Variants in OTUD7B observed in about 807,000 individuals in gnomAD.
OTUD7B encodes OTU deubiquitinase 7B, also known as OTU domain-containing protein 7B.
OTUD7B carries 34 observed loss-of-function variants against 82.2 expected under a neutral mutation model. The ratio of observed to expected loss-of-function variants is 0.41; its 90% CI spans 0.31 to 0.55. The LOEUF is 0.55. OTUD7B is among the 20% of genes least tolerant of loss of function. OTUD7B has a pLI of 0.20. For synonymous variants in OTUD7B, 398 were observed against 402.7 expected (o/e 0.99, Z 0.14); for missense variants, 944 against 1,062.1 (o/e 0.89, Z 1.55).
chr1:149,964,084 T>C, intron 6 of OTUD7B, 138 bp downstream of exon 6: 1 of 984,182 alleles, frequency 1.0e-6, no homozygotes, highest in African/African-American at 1.6e-5. Flanking sequence ...GTTAACTGCA[T>C]TTTCTCCAAT....
the OTUD7B span, among the ~76,000 whole-genome samples, chr1:150,025,248 C>A: frequency 6.6e-6 from 1 of 151,812 alleles, no homozygotes; most frequent in Non-Finnish European, 1.5e-5. Context: ...ATGGAGAAAC[C>A]CTGTCTCTAC....
At chr1:150,033,974 C>A in the OTUD7B span, among the ~76,000 whole-genome samples, 1 of 152,130 alleles carries the variant, frequency 6.6e-6, no homozygotes, top group Non-Finnish European at 1.5e-5. Flanking sequence ...CCCACCTCAG[C>A]CTCCCAAAGT....
chr1:150,005,319 AAC>A (rs1190317027), intron 1 of OTUD7B, among the ~76,000 whole-genome samples: 1 of 152,194 alleles, frequency 6.6e-6, no homozygotes, highest in Non-Finnish European at 1.5e-5. Context: ...CACTACAAAT[AAC>A]AGTTTAGTAA....
chr1:150,012,511 G>A (rs376744600), upstream of OTUD7B, among the ~76,000 whole-genome samples: 11 of 152,270 alleles, frequency 7.2e-5, no homozygotes, highest in East Asian at 2.1e-3. Flanking sequence ...TTTCACCACA[G>A]CTGTCCAGAA....
the OTUD7B span, among the ~76,000 whole-genome samples, chr1:150,026,540 T>G: frequency 6.6e-6 from 1 of 152,174 alleles, no homozygotes; most frequent in South Asian, 2.1e-4. Context: ...AATACCTCCG[T>G]CTGCCTTATC....
At chr1:149,958,911 A>ACT (rs1648927234) in intron 7 of OTUD7B, among the ~76,000 whole-genome samples, 2 of 147,064 alleles carry the variant, frequency 1.4e-5, no homozygotes, top group Non-Finnish European at 3.0e-5. Flanking sequence ...TGCCTGGCTA[A>ACT]TTTTTTTTTT....
At chr1:149,963,093 T>C (rs1649267352) in intron 6 of OTUD7B, 1 of 152,170 alleles carries the variant, frequency 6.6e-6, no homozygotes, top group Non-Finnish European at 1.5e-5. Context: ...ATGTTCTACT[T>C]ACATATTAAA....
At chr1:150,043,322 G>T in the OTUD7B span, among the ~76,000 whole-genome samples, 1 of 152,060 alleles carries the variant, frequency 6.6e-6, no homozygotes, top group Non-Finnish European at 1.5e-5. Flanking sequence ...GTCATATAAA[G>T]AATTTTAAAG....
chr1:150,059,179 G>A, the OTUD7B span, among the ~76,000 whole-genome samples: 2 of 146,764 alleles, frequency 1.4e-5, no homozygotes, highest in African/African-American at 5.0e-5. Context: ...TCAGCCTCCT[G>A]AGTAGCTGGG....
intron 7 of OTUD7B, among the ~76,000 whole-genome samples, chr1:149,951,935 G>A (rs186092516): frequency 1.7e-4 from 26 of 151,412 alleles, no homozygotes; most frequent in African/African-American, 6.3e-4. Context: ...CATATTACAG[G>A]CTTGTGTCAG....
chr1:150,039,320 G>C, the OTUD7B span, among the ~76,000 whole-genome samples: 24 of 152,002 alleles, frequency 1.6e-4, no homozygotes, highest in Non-Finnish European at 3.1e-4. Flanking sequence ...TTAATTGAGA[G>C]ATTACCATAA....
chr1:149,962,154 T>C (rs1332943091), intron 6 of OTUD7B: 1 of 152,220 alleles, frequency 6.6e-6, no homozygotes, highest in Non-Finnish European at 1.5e-5. Flanking sequence ...GTCACTCCAA[T>C]AGACACATCC....
At chr1:149,957,220 T>G (rs1648752805) in intron 7 of OTUD7B, among the ~76,000 whole-genome samples, 1 of 151,732 alleles carries the variant, frequency 6.6e-6, no homozygotes, top group Non-Finnish European at 1.5e-5. Flanking sequence ...GGGGTATTGG[T>G]GTGGATGTCC....
chr1:150,059,289 G>A, the OTUD7B span, among the ~76,000 whole-genome samples: 3 of 35,912 alleles, frequency 8.4e-5, no homozygotes, highest in African/African-American at 2.8e-4. Context: ...TCCTGACCTC[G>A]TGATCCACCC....
intron 4 of OTUD7B, among the ~76,000 whole-genome samples, 181 bp from the exon 5 acceptor site, chr1:149,966,059 A>G (rs763213750): frequency 2.0e-4 from 30 of 152,214 alleles, no homozygotes; most frequent in Non-Finnish European, 3.4e-4. Context: ...TGTGAGCACA[A>G]TTGGTTAGAT....
Position 149,943,584 on chromosome 1 carries a change from A to G in OTUD7B, c.*273T>C, listed in dbSNP as rs1366037508. The G allele has an allele frequency of 2.8e-5, 12 of 426,124 alleles. No homozygotes were observed. The highest frequency in any genetic ancestry group is 2.7e-4 in the South Asian group (8 of 29,246). 26.4% of individuals were successfully genotyped at this position (426,124 alleles called of 1,614,324 possible). A position where few individuals can be genotyped will look rare whatever the true frequency, so the allele number is the denominator to read the frequency against. Reference sequence around the variant, plus strand: ...GTCCCTGGATGGGACCCAGGAGGTTATAAGACAGAATCGCCATCTTTTCCC... The same window carrying G: ...GTCCCTGGATGGGACCCAGGAGGTTGTAAGACAGAATCGCCATCTTTTCCC... On this transcript the variant is annotated 3_prime_UTR_variant, in exon 12 of 12. Coordinates refer to ENST00000581312, the MANE Select transcript of OTUD7B (RefSeq NM_020205.4).
intron 7 of OTUD7B, among the ~76,000 whole-genome samples, chr1:149,950,697 T>C (rs1280214954): frequency 6.6e-6 from 1 of 152,082 alleles, no homozygotes; most frequent in Non-Finnish European, 1.5e-5. Flanking sequence ...TCCAGTAGCA[T>C]AATCAGAAAT....
intron 1 of OTUD7B, among the ~76,000 whole-genome samples, chr1:150,003,485 C>G (rs1446203431): frequency 1.3e-5 from 2 of 152,126 alleles, no homozygotes; most frequent in Admixed American, 1.3e-4. Context: ...ATGCTAACTC[C>G]TCAGGGAGGC....
chr1:150,015,525 C>T (rs1352431528), upstream of OTUD7B, among the ~76,000 whole-genome samples: 2 of 152,016 alleles, frequency 1.3e-5, no homozygotes, highest in Non-Finnish European at 2.9e-5. Context: ...AAGTGATCCA[C>T]CCTCCTCGGC....
Sources: allele counts gnomAD v4.1 joint callset (sites outside exome capture counted in the v4.1 genomes callset), GRCh38; gene constraint gnomAD v4.1.1; transcripts MANE v1.5; gene names NCBI Gene and HGNC (gene_info 2026-07-23, HGNC 2026-07-21).